The following MAP2K5 variants were observed in gnomAD, a reference collection of about 807,000 sequenced individuals.
MAP2K5 encodes the protein mitogen-activated protein kinase kinase 5.
In MAP2K5, 49 loss-of-function variants were observed where a neutral mutation model predicts 83.1. The ratio of observed to expected loss-of-function variants is 0.59; its 90% CI spans 0.47 to 0.75. The LOEUF (loss-of-function observed/expected upper bound fraction) is 0.75, where lower values mean the gene tolerates loss of function less well. MAP2K5 is among the 30% of genes least tolerant of loss of function. The probability of loss-of-function intolerance (pLI) is 0.00; values close to 1 mark genes in which losing one functional copy is unlikely to be tolerated. For missense variants in MAP2K5, 457 were observed against 557.5 expected, an observed-to-expected ratio of 0.82 and a Z score of 1.82; for synonymous variants, 202 against 191.8, an observed-to-expected ratio of 1.05 and a Z score of -0.44.
chr15:67,653,221 T>G (rs1423437525), intron 11 of MAP2K5, among the ~76,000 whole-genome samples: 1 of 152,196 alleles, frequency 6.6e-6, no homozygotes, highest in East Asian at 1.9e-4. Flanking sequence ...TTTTAGTTAC[T>G]TGAGTCTCCT....
chr15:67,669,513 C>T (rs1194530055), intron 13 of MAP2K5, among the ~76,000 whole-genome samples: 1 of 151,960 alleles, frequency 6.6e-6, no homozygotes, highest in Non-Finnish European at 1.5e-5. Flanking sequence ...AGCAAAGAGG[C>T]CAGTGTGTCT....
At chr15:67,630,518 A>G (rs2086447890) in intron 8 of MAP2K5, among the ~76,000 whole-genome samples, 1 of 152,200 alleles carries the variant, frequency 6.6e-6, no homozygotes, top group Admixed American at 6.5e-5. Context: ...TAGAGAACCC[A>G]CATGCACAGT....
intron 8 of MAP2K5, chr15:67,628,882 C>T (rs192794965): frequency 6.6e-4 from 497 of 748,148 alleles, no homozygotes; most frequent in East Asian, 4.5e-3. Flanking sequence ...GTGGATATGG[C>T]GGCAGTGGGG....
Position 67,643,532 on chromosome 15 carries a change from C to T in MAP2K5, c.586-2699C>T, listed in dbSNP as rs558865033. Among the ~76,000 whole-genome samples the T allele has an allele frequency of 3.8e-3, 571 of 152,254 alleles. 7 individuals carry two copies. Among genetic ancestry groups the T allele is most frequent in the Non-Finnish European group, 4.6e-3 (311 of 68,012 alleles). On this transcript the variant is annotated intron_variant, in intron 9 of 21. Transcript: ENST00000178640. ...CGTGATCTCAGCTCACTGGAAGCTC[C>T]GCCTCCTGGGTTCACGCCATTCTTC...
intron 3 of MAP2K5, among the ~76,000 whole-genome samples, chr15:67,569,525 G>T (rs2084909413): frequency 6.6e-6 from 1 of 152,184 alleles, no homozygotes; most frequent in Admixed American, 6.5e-5. Context: ...TCCAGAGACA[G>T]ATTATTTTAA....
chr15:67,566,374 C>G (rs1293013040), intron 3 of MAP2K5, among the ~76,000 whole-genome samples: 1 of 152,022 alleles, frequency 6.6e-6, no homozygotes, highest in Admixed American at 6.6e-5. Context: ...TGGGATTTCT[C>G]GATATTGGCC....
intron 9 of MAP2K5, among the ~76,000 whole-genome samples, chr15:67,645,299 G>T (rs2086806713): frequency 6.6e-6 from 1 of 152,098 alleles, no homozygotes; most frequent in Non-Finnish European, 1.5e-5. Context: ...GCAACATAGT[G>T]AAACCCCCAT....
chr15:67,594,889 G>A (rs999455319), intron 7 of MAP2K5, among the ~76,000 whole-genome samples: 17 of 152,078 alleles, frequency 1.1e-4, no homozygotes, highest in East Asian at 5.8e-4. Context: ...CAGTGCTATA[G>A]GATAACTAAA....
rs55811347 is a variant in MAP2K5, at chr15:67,806,685, G to T, written c.1282G>T (p.Ala428Ser). 1 of 1,551,490 alleles carries T rather than the reference G, an allele frequency of 6.4e-7. No individual in the cohort carries two copies. Among genetic ancestry groups the T allele is most frequent in the South Asian group, 1.2e-5 (1 of 84,116 alleles). The change falls in exon 22 of 22, where the codon GCC becomes TCC. Residue 428 changes from alanine (A) to serine (S), a missense_variant. Coordinates refer to ENST00000178640, the MANE Select transcript of MAP2K5 (RefSeq NM_145160.3). ...CGTGCAGTTCAATGATGGAAATGCCGCCGTGGTGTCCATGTGGGTGTGCCG... is the reference window on the plus strand; with the variant it reads ...CGTGCAGTTCAATGATGGAAATGCCTCCGTGGTGTCCATGTGGGTGTGCCG... ...FIVQFNDGNA[A>S]VVSMWVCRAL...
rs1344955312 is a variant in MAP2K5, at chr15:67,561,678, G to A, written c.185-1605G>A. On this transcript the variant is annotated intron_variant, in intron 2 of 21. Transcript: ENST00000178640. This position sits in a 1 kb window ranked among gnomAD's most constrained non-coding sequence, Gnocchi z 4.2. Reference sequence around the variant, plus strand: ...GTGCTTGGAAAGAGTGAGAGCTATGGGTCACTGAACAGGACTGGTCCAAGT... The same window carrying A: ...GTGCTTGGAAAGAGTGAGAGCTATGAGTCACTGAACAGGACTGGTCCAAGT... 6.6e-6 allele frequency among the ~76,000 whole-genome samples: 1 copy of A among 152,170 alleles called. No homozygotes were observed. The highest frequency in any genetic ancestry group is 6.5e-5 in the Admixed American group (1 of 15,280).
intron 19 of MAP2K5, among the ~76,000 whole-genome samples, chr15:67,756,514 ACTGTGTGTGTGTGTGTGTGTGT>A (rs1444138118): frequency 1.0e-5 from 1 of 97,844 alleles, no homozygotes; most frequent in East Asian, 3.2e-4. Flanking sequence ...ACACACAGTT[ACTGTGTGTGTGTGTGTGTGTGT>A]GTGTGTGTGT....
In MAP2K5 at chr15:67,652,451, A is replaced by G. The variant is rs1164918305; in HGVS notation, c.736+5982A>G. 1.3e-5 allele frequency among the ~76,000 whole-genome samples: 2 copies of G among 152,094 alleles called. No homozygotes were observed. Among genetic ancestry groups the G allele is most frequent in the Non-Finnish European group, 2.9e-5 (2 of 68,030 alleles). ...GAAGCTTCCATTCGTGGAGCAAGAG[A>G]GAGAGGAGGGAGGTCCCAGACACTT... On this transcript the variant is annotated intron_variant, in intron 11 of 21. Transcript: ENST00000178640. This position sits in a 1 kb window ranked among gnomAD's most constrained non-coding sequence, Gnocchi z 4.2.
chr15:67,772,827 A>G, intron 21 of MAP2K5, 75 bp downstream of exon 21: 1 of 1,307,192 alleles, frequency 7.6e-7, no homozygotes, highest in South Asian at 1.3e-5. Context: ...AAAAGTCCAG[A>G]ATGGAATTTG....
chr15:67,577,157 G>A lies in MAP2K5; in HGVS notation c.253-3597G>A, dbSNP rs1450212038. 2.0e-5 allele frequency among the ~76,000 whole-genome samples: 3 copies of A among 151,648 alleles called. No individual in the cohort carries two copies. The highest frequency in any genetic ancestry group is 7.3e-5 in the African/African-American group (3 of 41,286). ...TCACCTTGTTAGCCGGGATGGTCTC[G>A]ATCTCCTGACCTCATGATCCACCCG... On this transcript the variant is annotated intron_variant, in intron 3 of 21. Transcript: ENST00000178640. This position sits in a 1 kb window ranked among gnomAD's most constrained non-coding sequence, Gnocchi z 4.1.
At chr15:67,550,168 GACAAAA>G in intron 2 of MAP2K5, 86 bp downstream of exon 2, 1 of 947,058 alleles carries the variant, frequency 1.1e-6, no homozygotes, top group Non-Finnish European at 1.7e-6. Context: ...TTTAGAAACT[GACAAAA>G]ACAGATTATT....
chr15:67,588,163 T>G, intron 6 of MAP2K5: 1 of 935,256 alleles, frequency 1.1e-6, no homozygotes, highest in Middle Eastern at 5.5e-4. Context: ...CACATATGGG[T>G]GCTCTGTGTA....
rs1055934867 is a variant in MAP2K5, at chr15:67,772,314, C to CA, written c.1197-384dup. ...TTCCTTACTGTCTTATCCCAATTAC[C>CA]AAAAAAAAAGGTATATTCTCTAAAT... is the stretch of plus-strand genomic sequence containing the variant. On this transcript the variant is annotated intron_variant, in intron 20 of 21. Transcript: ENST00000178640. Among the ~76,000 whole-genome samples, 39 of 148,700 alleles carry CA rather than the reference C, an allele frequency of 2.6e-4. 1 individual carries two copies. The highest frequency in any genetic ancestry group is 4.0e-4 in the Non-Finnish European group (27 of 67,046).
intron 4 of MAP2K5, among the ~76,000 whole-genome samples, chr15:67,582,823 AACACAC>A (rs10579310): frequency 0.13 from 19,213 of 148,094 alleles, 1,318 homozygotes; most frequent in East Asian, 0.21. Flanking sequence ...ATTGTCTCAA[AACACAC>A]ACACACACAC....
chr15:67,726,583 C>T (rs910967481), intron 16 of MAP2K5, among the ~76,000 whole-genome samples: 4 of 152,110 alleles, frequency 2.6e-5, no homozygotes, highest in Non-Finnish European at 5.9e-5. Flanking sequence ...TTGAAATAAG[C>T]GCAGAACTTC....
Sources: gnomAD v4.1 joint callset for allele counts (sites outside exome capture counted in the v4.1 genomes callset) on GRCh38, gnomAD v4.1.1 for gene constraint, Gnocchi (gnomAD v3.1) non-coding constraint, MANE v1.5 for transcripts, NCBI Gene and HGNC (gene_info 2026-07-23, HGNC 2026-07-21) for gene names.